Variants in AUTS2 observed in about 807,000 individuals in gnomAD.
The protein encoded by AUTS2 is activator of transcription and developmental regulator AUTS2.
Under a neutral mutation model 112.4 loss-of-function variants are expected in AUTS2, and 17 were observed. That is an observed-to-expected ratio of 0.15 (90% CI 0.10 to 0.23). The LOEUF is 0.23. AUTS2 is among the 10% of genes least tolerant of loss of function. The pLI is 1.00. For synonymous variants in AUTS2, 751 were observed against 702.7 expected, an observed-to-expected ratio of 1.07 and a Z score of -1.09; for missense variants, 1,510 against 1,701.6, an observed-to-expected ratio of 0.89 and a Z score of 1.98.
chr7:69,634,208 C>T (rs1024076013), intron 1 of AUTS2, among the ~76,000 whole-genome samples: 9 of 151,688 alleles, frequency 5.9e-5, no homozygotes, highest in Non-Finnish European at 1.3e-4. Flanking sequence ...CAAGCTCCGC[C>T]TCCCGGGTTC....
intron 1 of AUTS2, among the ~76,000 whole-genome samples, chr7:69,723,704 C>A (rs1375625400): frequency 6.6e-6 from 1 of 152,178 alleles, no homozygotes; most frequent in Non-Finnish European, 1.5e-5. Context: ...AACTTTTCTG[C>A]CTGCTATGTT....
chr7:69,976,241 T>C (rs959412208), intron 2 of AUTS2, among the ~76,000 whole-genome samples: 2 of 152,224 alleles, frequency 1.3e-5, no homozygotes, highest in African/African-American at 2.4e-5. Flanking sequence ...CTTATGAATA[T>C]GGAATATACA....
chr7:70,118,217 G>T lies in AUTS2; in HGVS notation c.608G>T (p.Arg203Leu). 6.3e-7 allele frequency: 1 copy of T among 1,594,490 alleles called. No homozygotes were observed. The highest frequency in any genetic ancestry group is 1.4e-5 in the African/African-American group (1 of 72,334). ...AAGGGCTTCCACCGGAGCAGCTCTC[G>T]GGAAAGGCTCAGTGATGTAAGTTTA... ...ESKGFHRSSS[R>L]ERLSDSSAPS... Residue 203 changes from arginine to leucine, a missense_variant, in exon 3 of 19, where the codon CGG (arginine) becomes CTG (leucine). Around this residue, in one of 3 missense-constraint regions of AUTS2, gnomAD observed 535 missense variants for 594.3 expected, o/e 0.90. Transcript: ENST00000342771.
At chr7:70,193,529 A>AAGTT (rs1810013679) in intron 4 of AUTS2, among the ~76,000 whole-genome samples, 2 of 152,158 alleles carry the variant, frequency 1.3e-5, no homozygotes, top group Non-Finnish European at 2.9e-5. Context: ...AACTCACCTA[A>AAGTT]AGTTACATAG....
chr7:70,314,740 A>G (rs1789917499), intron 4 of AUTS2, among the ~76,000 whole-genome samples: 1 of 152,152 alleles, frequency 6.6e-6, no homozygotes. Flanking sequence ...ACATGAAAAC[A>G]TTGTTATTCA....
intron 2 of AUTS2, among the ~76,000 whole-genome samples, chr7:69,923,712 G>C (rs900351128): frequency 4.6e-5 from 7 of 152,152 alleles, no homozygotes; most frequent in Non-Finnish European, 7.4e-5. Context: ...TTTTGATGCA[G>C]TATTAAATGG....
At chr7:70,205,479 CAT>C (rs1023189514) in intron 4 of AUTS2, among the ~76,000 whole-genome samples, 27 of 152,116 alleles carry the variant, frequency 1.8e-4, no homozygotes, top group Admixed American at 1.6e-3. Context: ...ATTATAATAA[CAT>C]ATTTTTACAG....
chr7:70,111,601 T>C (rs1023256681), intron 2 of AUTS2, among the ~76,000 whole-genome samples: 5 of 152,206 alleles, frequency 3.3e-5, no homozygotes, highest in African/African-American at 1.2e-4. Flanking sequence ...TGGTGGGCTA[T>C]ACTTTAATAT....
chr7:70,182,783 TAAA>T (rs904897123), intron 4 of AUTS2, among the ~76,000 whole-genome samples: 1 of 132,770 alleles, frequency 7.5e-6, no homozygotes, highest in Non-Finnish European at 1.6e-5. Context: ...AGATTCTTCA[TAAA>T]AAAAAAAAAA....
At chr7:70,708,917 CTTT>C (rs34290500) in intron 6 of AUTS2, among the ~76,000 whole-genome samples, 85 of 134,640 alleles carry the variant, frequency 6.3e-4, no homozygotes, top group East Asian at 2.8e-3. Context: ...TGTTTAAATA[CTTT>C]TTTTTTTTTT....
At position 70,791,102 on chromosome 7, in the gene AUTS2, C is replaced by A; in HGVS notation, c.*106C>A. ...GGCTCACACAGACTGGGGGGGAAAG[C>A]CCCACCCCTTCCCCTTGTAAAAAAT... On this transcript the variant is annotated 3_prime_UTR_variant, in exon 19 of 19. Coordinates refer to ENST00000342771, the MANE Select transcript of AUTS2 (RefSeq NM_015570.4). 8.6e-7 allele frequency: 1 copy of A among 1,167,114 alleles called. No individual in the cohort carries two copies. The highest frequency in any genetic ancestry group is 1.1e-6 in the Non-Finnish European group (1 of 900,450). 72.3% of individuals were successfully genotyped at this position (1,167,114 alleles called of 1,614,324 possible). A position where few individuals can be genotyped will look rare whatever the true frequency, so the allele number is the denominator to read the frequency against.
At position 70,631,846 on chromosome 7, in the gene AUTS2, C is replaced by G. The variant is rs189562969; in HGVS notation, c.691-66723C>G. ...AACTTGCTAGGGGGCAGGGCGCACT[C>G]TGCCGCTTTGGCTTAGTTCTCCCAT... On this transcript the variant is annotated intron_variant, in intron 5 of 18. Transcript: ENST00000342771. The surrounding 1 kb of genome is among the most constrained non-coding windows in gnomAD (Gnocchi z 4.5). 3.6e-4 allele frequency among the ~76,000 whole-genome samples: 55 copies of G among 152,226 alleles called. No homozygotes were observed. Among genetic ancestry groups the G allele is most frequent in the Admixed American group, 7.2e-4 (11 of 15,296 alleles).
At chr7:69,871,696 G>C (rs1008299470) in intron 1 of AUTS2, among the ~76,000 whole-genome samples, 2 of 152,204 alleles carry the variant, frequency 1.3e-5, no homozygotes, top group Non-Finnish European at 2.9e-5. Context: ...TAATGGATGA[G>C]TAGCATCTAT....
At chr7:70,709,771 A>G (rs900925995) in intron 6 of AUTS2, among the ~76,000 whole-genome samples, 3 of 152,232 alleles carry the variant, frequency 2.0e-5, no homozygotes, top group African/African-American at 7.2e-5. Flanking sequence ...TGCTGAGGGC[A>G]CACATTTTCC....
chr7:69,774,937 G>A (rs1338387464), intron 1 of AUTS2, among the ~76,000 whole-genome samples: 1 of 152,082 alleles, frequency 6.6e-6, no homozygotes, highest in South Asian at 2.1e-4. Context: ...TAATCTGTTA[G>A]CAATCTGTGT....
chr7:70,330,333 G>A (rs1340683075), intron 4 of AUTS2, among the ~76,000 whole-genome samples: 2 of 152,100 alleles, frequency 1.3e-5, no homozygotes, highest in Non-Finnish European at 2.9e-5. Flanking sequence ...CAATTTCATT[G>A]TTTTGTATGT....
At chr7:69,721,042 A>T (rs879337155) in intron 1 of AUTS2, among the ~76,000 whole-genome samples, 5 of 152,172 alleles carry the variant, frequency 3.3e-5, no homozygotes, top group Admixed American at 6.5e-5. Flanking sequence ...TTAGCAAGAG[A>T]GCACCATCCA....
At position 70,766,175 on chromosome 7, in the gene AUTS2, C is replaced by A. The variant is rs147034162; in HGVS notation, c.1530C>A (p.Arg510=). The part of the protein sequence containing the change: ...TRFLASQSAD[R]GASLGPPPYL... The stretch of plus-strand genomic sequence containing the variant: ...TTTTGGCCTCTCAGAGTGCTGACCG[C>A]GGGGCTTCCCTGGGCCCTCCGCCCT... Residue 510 remains arginine (R), a synonymous_variant, in exon 9 of 19, where the codon CGC becomes CGA. Coordinates refer to ENST00000342771, the MANE Select transcript of AUTS2 (RefSeq NM_015570.4). The surrounding 1 kb of genome is among the most constrained non-coding windows in gnomAD (Gnocchi z 4.8). The A allele has an allele frequency of 6.2e-7, 1 of 1,614,174 alleles. No homozygotes were observed. The highest frequency in any genetic ancestry group is 8.5e-7 in the Non-Finnish European group (1 of 1,180,044).
intron 2 of AUTS2, among the ~76,000 whole-genome samples, chr7:69,902,489 G>A (rs1795006362): frequency 6.6e-6 from 1 of 152,152 alleles, no homozygotes; most frequent in Non-Finnish European, 1.5e-5. Context: ...ATAGGGAAGA[G>A]GCGAGAACTT....
Sources: allele counts gnomAD v4.1 joint callset (sites outside exome capture counted in the v4.1 genomes callset), GRCh38; gene constraint gnomAD v4.1.1; regional missense constraint gnomAD v4.1.1; non-coding constraint Gnocchi (gnomAD v3.1); transcripts MANE v1.5; gene names NCBI Gene and HGNC (gene_info 2026-07-23, HGNC 2026-07-21).